C1orf146: variants seen among roughly 807,000 people sequenced by gnomAD.
C1orf146 encodes the protein chromosome 1 open reading frame 146.
In C1orf146, 22 loss-of-function variants were observed where a neutral mutation model predicts 23.0. The observed-to-expected ratio is 0.96, with a 90% CI of 0.68 to 1.36. The LOEUF (loss-of-function observed/expected upper bound fraction) is 1.36, where lower values mean the gene tolerates loss of function less well. Ranked by LOEUF, C1orf146 falls within the 40% of genes most tolerant of loss-of-function variation. The pLI is 0.00. For synonymous variants in C1orf146, 59 were observed against 65.3 expected (o/e 0.90, Z 0.47); for missense variants, 199 against 206.8 (o/e 0.96, Z 0.23).
At chr1:92,226,885 T>C (rs754962175) in intron 1 of C1orf146, among the ~76,000 whole-genome samples, 1 of 152,200 alleles carries the variant, frequency 6.6e-6, no homozygotes, top group Non-Finnish European at 1.5e-5. Context: ...TGTTTGTTTG[T>C]TTGCTTTAAA....
intron 2 of C1orf146, among the ~76,000 whole-genome samples, chr1:92,232,150 GCA>G (rs34203450): frequency 0.48 from 72,037 of 151,364 alleles, 18,114 homozygotes; most frequent in East Asian, 0.96. Context: ...GGGTACATGT[GCA>G]CAGTGTGCAG....
chr1:92,225,432 T>A (rs978329544), intron 1 of C1orf146, among the ~76,000 whole-genome samples: 18 of 152,208 alleles, frequency 1.2e-4, no homozygotes, highest in Non-Finnish European at 2.4e-4. Flanking sequence ...AAGCTATGTG[T>A]TTCCCTCTAA....
At chr1:92,243,637 A>G (rs370767672) in intron 3 of C1orf146, among the ~76,000 whole-genome samples, 2 of 152,072 alleles carry the variant, frequency 1.3e-5, no homozygotes, top group Non-Finnish European at 2.9e-5. Context: ...GAGCCACTGC[A>G]CCCAGCCAAA....
chr1:92,244,744 G>A (rs747455793), intron 4 of C1orf146, 35 bp from the exon 5 acceptor site: 8 of 1,331,014 alleles, frequency 6.0e-6, no homozygotes, highest in Admixed American at 5.2e-5. Context: ...ATGTCAGCAA[G>A]TTATATGATC....
intron 1 of C1orf146, among the ~76,000 whole-genome samples, chr1:92,223,508 C>G (rs1410509143): frequency 3.3e-5 from 5 of 151,934 alleles, no homozygotes; most frequent in African/African-American, 1.2e-4. Context: ...TACTATTGAG[C>G]CTTGAGTGTC....
At chr1:92,218,985 G>A (rs774983627) in intron 1 of C1orf146, among the ~76,000 whole-genome samples, 2 of 152,166 alleles carry the variant, frequency 1.3e-5, no homozygotes, top group Non-Finnish European at 2.9e-5. Context: ...TATTGTGCAC[G>A]TGATTACTTT....
chr1:92,244,445 A>T (rs1652517823), intron 4 of C1orf146, 60 bp downstream of exon 4: 3 of 1,333,936 alleles, frequency 2.2e-6, no homozygotes, highest in Non-Finnish European at 3.1e-6. Flanking sequence ...TCAGTTCTTA[A>T]TTCTTTTAGG....
At chr1:92,232,744 A>G (rs901545907) in intron 2 of C1orf146, among the ~76,000 whole-genome samples, 10 of 150,054 alleles carry the variant, frequency 6.7e-5, no homozygotes, top group Non-Finnish European at 1.5e-4. Flanking sequence ...AAGTGTTCCT[A>G]TTTCTCCACA....
chr1:92,244,602 CTTTTTT>C (rs1652525920), intron 4 of C1orf146, among the ~76,000 whole-genome samples, 171 bp from the exon 5 acceptor site: 1 of 152,152 alleles, frequency 6.6e-6, no homozygotes, highest in East Asian at 1.9e-4. Flanking sequence ...AAAGTGAACA[CTTTTTT>C]AGTCAGTGAT....
intron 1 of C1orf146, among the ~76,000 whole-genome samples, chr1:92,220,515 A>G (rs1450620182): frequency 3.3e-5 from 5 of 152,202 alleles, no homozygotes; most frequent in Admixed American, 3.3e-4. Context: ...ACAAATATGT[A>G]TAGTATGTTA....
At position 92,237,178 on chromosome 1, in the gene C1orf146, T is replaced by C. The variant is rs541862827; in HGVS notation, c.67-5034T>C. The stretch of plus-strand genomic sequence containing the variant: ...CTGTGATCCTTTGGAGGAGGAGAGG[T>C]GCTCTGCTTTTTAGAGTTTCCATTT... On this transcript the variant is annotated intron_variant, in intron 2 of 5. Transcript: ENST00000370375. Among the ~76,000 whole-genome samples, 7 of 152,308 alleles carry C rather than the reference T, an allele frequency of 4.6e-5. No homozygotes were observed. In the South Asian group the frequency reaches 1.5e-3, roughly 32 times the overall value.
At chr1:92,224,166 T>C (rs977329519) in intron 1 of C1orf146, among the ~76,000 whole-genome samples, 1 of 151,856 alleles carries the variant, frequency 6.6e-6, no homozygotes, top group African/African-American at 2.4e-5. Context: ...TTCTCCTGCC[T>C]CAGCCTCCCG....
At chr1:92,229,045 C>A in intron 1 of C1orf146, 1 of 485,402 alleles carries the variant, frequency 2.1e-6, no homozygotes, top group Non-Finnish European at 4.1e-6. Flanking sequence ...GTGGAGGGGC[C>A]CAACTTGTCA....
At position 92,233,422 on chromosome 1, in the gene C1orf146, A is replaced by G. The variant is rs1016229152; in HGVS notation, c.66+1936A>G. Among the ~76,000 whole-genome samples, 869 of 151,894 alleles carry G rather than the reference A, an allele frequency of 5.7e-3. 8 individuals carry two copies. Among genetic ancestry groups the G allele is most frequent in the African/African-American group, 0.018 (762 of 41,336 alleles). ...TTTGTCAAAGATCAGATAGTTGTAG[A>G]TATGCGGCGTTATTTCTGAGGGCTG... On this transcript the variant is annotated intron_variant, in intron 2 of 5. Coordinates refer to ENST00000370375, the MANE Select transcript of C1orf146 (RefSeq NM_001012425.2).
At chr1:92,218,529 G>C (rs1651736186) in intron 1 of C1orf146, among the ~76,000 whole-genome samples, 1 of 152,150 alleles carries the variant, frequency 6.6e-6, no homozygotes, top group Non-Finnish European at 1.5e-5. Flanking sequence ...AGGTTTAAGA[G>C]GCCACTGGGC....
chr1:92,229,765 A>G (rs1346212880), intron 1 of C1orf146, among the ~76,000 whole-genome samples: 1 of 149,888 alleles, frequency 6.7e-6, no homozygotes, highest in Non-Finnish European at 1.5e-5. Context: ...AAACAGGTAG[A>G]AAATACATAG....
At chr1:92,234,513 C>T (rs1356219509) in intron 2 of C1orf146, among the ~76,000 whole-genome samples, 1 of 152,156 alleles carries the variant, frequency 6.6e-6, no homozygotes, top group Non-Finnish European at 1.5e-5. Flanking sequence ...TTCGGTTTGC[C>T]AGTATTTTAT....
At chr1:92,245,006 C>T in intron 5 of C1orf146, 149 bp downstream of exon 5, 1 of 542,430 alleles carries the variant, frequency 1.8e-6, no homozygotes, top group South Asian at 2.9e-5. Flanking sequence ...TTTCCCAAGC[C>T]TAACTCTCTT....
In C1orf146 at chr1:92,239,068, C is replaced by G. The variant is rs186234812; in HGVS notation, c.67-3144C>G. Among the ~76,000 whole-genome samples the G allele has an allele frequency of 5.3e-4, 81 of 152,216 alleles. 1 individual carries two copies. The highest frequency in any genetic ancestry group is 1.8e-3 in the African/African-American group (75 of 41,554). Reference sequence around the variant, plus strand: ...CCACTGTGCCTGGCCCTATTTGAATCAAATTTTAGGGAGCTTTCTTAACTC... The same window carrying G: ...CCACTGTGCCTGGCCCTATTTGAATGAAATTTTAGGGAGCTTTCTTAACTC... On this transcript the variant is annotated intron_variant, in intron 2 of 5. Transcript: ENST00000370375.
Sources: gnomAD v4.1 joint callset for allele counts (sites outside exome capture counted in the v4.1 genomes callset) on GRCh38, gnomAD v4.1.1 for gene constraint, MANE v1.5 for transcripts, NCBI Gene and HGNC (gene_info 2026-07-23, HGNC 2026-07-21) for gene names.